SNTG1: variants seen among roughly 807,000 people sequenced by gnomAD.
SNTG1 encodes the protein gamma-1-syntrophin.
Under a neutral mutation model 74.7 loss-of-function variants are expected in SNTG1, and 39 were observed. The ratio of observed to expected loss-of-function variants is 0.52; its 90% confidence interval spans 0.40 to 0.68. The LOEUF (loss-of-function observed/expected upper bound fraction) is 0.68. Among genes scored for constraint, SNTG1 ranks in the 30% least tolerant of loss-of-function variants. The pLI is 0.00. For missense variants in SNTG1, 685 were observed against 609.5 expected (o/e 1.12, Z -1.30); for synonymous variants, 254 against 217.1 (o/e 1.17, Z -1.49).
intron 2 of SNTG1, among the ~76,000 whole-genome samples, chr8:50,202,603 G>A (rs1227785786): frequency 1.3e-5 from 2 of 152,022 alleles, no homozygotes; most frequent in African/African-American, 4.8e-5. Flanking sequence ...CTTATTAAAG[G>A]ACATTTTGAT....
intron 17 of SNTG1, among the ~76,000 whole-genome samples, chr8:50,735,165 A>T (rs1294317957): frequency 6.6e-6 from 1 of 151,564 alleles, no homozygotes; most frequent in African/African-American, 2.4e-5. Flanking sequence ...GACATATTGG[A>T]TTTAAAAAAT....
At chr8:50,374,243 C>T (rs561300658) in intron 2 of SNTG1, among the ~76,000 whole-genome samples, 28 of 152,254 alleles carry the variant, frequency 1.8e-4, no homozygotes, top group Admixed American at 4.6e-4. Flanking sequence ...TTTAGCCTTG[C>T]TAATAGTGTG....
At chr8:50,473,401 T>C (rs2093668846) in intron 8 of SNTG1, among the ~76,000 whole-genome samples, 2 of 152,144 alleles carry the variant, frequency 1.3e-5, no homozygotes, top group South Asian at 4.1e-4. Flanking sequence ...TATATCTTTA[T>C]AGCAGTGTGA....
At position 50,165,596 on chromosome 8, in the gene SNTG1, G is replaced by A. The variant is rs112573619; in HGVS notation, c.-102-6965G>A. Among the ~76,000 whole-genome samples, 683 of 152,102 alleles carry A rather than the reference G, an allele frequency of 4.5e-3. 5 individuals carry two copies. Among genetic ancestry groups the A allele is most frequent in the African/African-American group, 0.016 (645 of 41,476 alleles). On this transcript the variant is annotated intron_variant, in intron 1 of 18. Coordinates refer to ENST00000642720, the MANE Select transcript of SNTG1 (RefSeq NM_018967.5). ...TCATCTTCAGCCACGGACACTCATCGACCATGTTCTGCATATTATCTGCTT... is the reference window on the plus strand; with the variant it reads ...TCATCTTCAGCCACGGACACTCATCAACCATGTTCTGCATATTATCTGCTT...
intron 8 of SNTG1, among the ~76,000 whole-genome samples, chr8:50,498,328 A>G (rs1461573601): frequency 6.6e-6 from 1 of 151,900 alleles, no homozygotes; most frequent in Non-Finnish European, 1.5e-5. Flanking sequence ...GTATCTCATT[A>G]TAGTTTTAAT....
chr8:50,338,647 C>A (rs2091227224), intron 2 of SNTG1, among the ~76,000 whole-genome samples: 1 of 152,006 alleles, frequency 6.6e-6, no homozygotes. Flanking sequence ...AAGTTACAGT[C>A]TTTCATGAAA....
chr8:50,555,340 A>T (rs1483132270), intron 12 of SNTG1, among the ~76,000 whole-genome samples: 3 of 152,208 alleles, frequency 2.0e-5, no homozygotes, highest in African/African-American at 4.8e-5. Context: ...GTTCCAATGT[A>T]TTCTGATATG....
At chr8:49,954,262 G>A (rs1175104183) in intron 1 of SNTG1, among the ~76,000 whole-genome samples, 2 of 152,288 alleles carry the variant, frequency 1.3e-5, no homozygotes, top group Admixed American at 1.3e-4. Context: ...TTAAAGTGTA[G>A]TAATTAAATT....
chr8:49,978,927 A>G (rs888538400), intron 1 of SNTG1, among the ~76,000 whole-genome samples: 10 of 152,168 alleles, frequency 6.6e-5, no homozygotes, highest in African/African-American at 2.4e-4. Context: ...GTCACTAACC[A>G]CTATGTTAGG....
chr8:50,266,352 C>A (rs1171560892), intron 2 of SNTG1, among the ~76,000 whole-genome samples: 1 of 151,986 alleles, frequency 6.6e-6, no homozygotes, highest in Non-Finnish European at 1.5e-5. Flanking sequence ...TTCTTTTCAG[C>A]AACTTATCCT....
rs1033616589 is a variant in SNTG1 at position 50,794,298 on chromosome 8, T to C, written c.*1469T>C. On this transcript the variant is annotated 3_prime_UTR_variant, in exon 19 of 19. Coordinates refer to ENST00000642720, the MANE Select transcript of SNTG1 (RefSeq NM_018967.5). ...TTTCTATAAAGGACAGATTTACTAA[T>C]TTAAAAAATTAATATCAAGTTGTTT... 3.9e-5 allele frequency: 6 copies of C among 151,956 alleles called. No homozygotes were observed. Among genetic ancestry groups the C allele is most frequent in the Non-Finnish European group, 8.8e-5 (6 of 67,880 alleles). The allele number at this position is 151,956 out of a possible 1,614,324, so 9.4% of individuals were successfully genotyped here. A position where few individuals can be genotyped will look rare whatever the true frequency, so the allele number is the denominator to read the frequency against.
intron 1 of SNTG1, among the ~76,000 whole-genome samples, chr8:50,065,384 T>C (rs1023935429): frequency 6.6e-6 from 1 of 152,108 alleles, no homozygotes; most frequent in Admixed American, 6.5e-5. Flanking sequence ...GGCAAGCAAA[T>C]GAACAAATAA....
chr8:50,344,199 C>A (rs960562672), intron 2 of SNTG1, among the ~76,000 whole-genome samples: 9 of 152,036 alleles, frequency 5.9e-5, no homozygotes, highest in Admixed American at 3.9e-4. Flanking sequence ...TTTATATATA[C>A]CTTATATATA....
intron 1 of SNTG1, among the ~76,000 whole-genome samples, chr8:49,932,466 A>G (rs34557207): frequency 0.037 from 5,686 of 152,106 alleles, 265 homozygotes; most frequent in South Asian, 0.13. Context: ...ATTGAATAAT[A>G]TATAACTTTC....
chr8:50,162,710 G>T (rs902626018), intron 1 of SNTG1, among the ~76,000 whole-genome samples: 14 of 152,034 alleles, frequency 9.2e-5, no homozygotes, highest in African/African-American at 3.4e-4. Context: ...GGGTATTTAC[G>T]TCACATGTGT....
rs2080979766 is a variant in SNTG1, at chr8:50,120,984, CTG to C, written c.-102-51576_-102-51575del. ...AGGACAATCTGACTTATAGGAAACA[CTG>C]AGCTGCTTTTGCTCCCCATATTTCA... On this transcript the variant is annotated intron_variant, in intron 1 of 18. Coordinates refer to ENST00000642720, the MANE Select transcript of SNTG1 (RefSeq NM_018967.5). Among the ~76,000 whole-genome samples, 3 of 141,930 alleles carry C rather than the reference CTG, an allele frequency of 2.1e-5. 1 individual carries two copies. The allele number at this position is 141,930 out of a possible 152,430, so 93.1% of individuals were successfully genotyped here. A position where few individuals can be genotyped will look rare whatever the true frequency, so the allele number is the denominator to read the frequency against.
chr8:50,284,102 A>G (rs1435112802), intron 2 of SNTG1, among the ~76,000 whole-genome samples: 2 of 152,116 alleles, frequency 1.3e-5, no homozygotes, highest in Non-Finnish European at 2.9e-5. Flanking sequence ...TGTCACAGAC[A>G]TTCTTTGGTT....
intron 2 of SNTG1, among the ~76,000 whole-genome samples, chr8:50,218,972 G>C (rs1268965889): frequency 3.9e-5 from 6 of 152,146 alleles, no homozygotes; most frequent in Admixed American, 3.9e-4. Context: ...GAAAAGAAGA[G>C]AAAGTCTAGG....
chr8:49,922,179 A>G (rs1209699482), intron 1 of SNTG1, among the ~76,000 whole-genome samples: 2 of 152,152 alleles, frequency 1.3e-5, no homozygotes, highest in Non-Finnish European at 2.9e-5. Flanking sequence ...TTCCATCAGA[A>G]CAACAGGAAT....
Sources: allele counts gnomAD v4.1 joint callset (sites outside exome capture counted in the v4.1 genomes callset), GRCh38; gene constraint gnomAD v4.1.1; transcripts MANE v1.5; gene names NCBI Gene and HGNC (gene_info 2026-07-23, HGNC 2026-07-21).